The following PPIG variants were observed in gnomAD, a reference collection of about 807,000 sequenced individuals.
PPIG encodes the protein peptidylprolyl isomerase G.
Under a neutral mutation model 87.9 loss-of-function variants are expected in PPIG, and 26 were observed. The observed-to-expected ratio is 0.30, with a 90% CI of 0.22 to 0.41. The LOEUF is 0.41. Among genes scored for constraint, PPIG ranks in the 10% least tolerant of loss-of-function variants. The pLI, the probability that PPIG is intolerant of heterozygous loss-of-function variation, is 1.00. For synonymous variants in PPIG, 308 were observed against 276.5 expected, an observed-to-expected ratio of 1.11 and a Z score of -1.13; for missense variants, 722 against 879.4, an observed-to-expected ratio of 0.82 and a Z score of 2.26.
chr2:169,625,898 C>T lies in PPIG; in HGVS notation c.548-4876C>T, dbSNP rs773313549. On this transcript the variant is annotated intron_variant, in intron 9 of 13. Coordinates refer to ENST00000260970, the MANE Select transcript of PPIG (RefSeq NM_004792.3). ...GCTCAGCCTAGATCCCTCGTATGCA[C>T]AGTTCACAATAGGGTTTGTGCTCCT... Among the ~76,000 whole-genome samples, 84 of 152,160 alleles carry T rather than the reference C, an allele frequency of 5.5e-4. 1 individual carries two copies. Among genetic ancestry groups the T allele is most frequent in the Non-Finnish European group, 3.1e-4 (21 of 68,038 alleles).
chr2:169,604,933 C>T (rs1468077406), intron 4 of PPIG, among the ~76,000 whole-genome samples: 1 of 151,574 alleles, frequency 6.6e-6, no homozygotes, highest in African/African-American at 2.4e-5. Flanking sequence ...CATGGTGGCT[C>T]ACACCTGTAA....
In PPIG at chr2:169,629,045, A is replaced by G. The variant is rs184576528; in HGVS notation, c.548-1729A>G. 7.2e-5 allele frequency among the ~76,000 whole-genome samples: 11 copies of G among 152,240 alleles called. No individual in the cohort carries two copies. In the East Asian group the frequency reaches 1.9e-3, roughly 27 times the overall value. On this transcript the variant is annotated intron_variant, in intron 9 of 13. Coordinates refer to ENST00000260970, the MANE Select transcript of PPIG (RefSeq NM_004792.3). ...GGTGGGGCTAAAGGAAAGGTCACAA[A>G]TCAGCTGTTAACCCTTTCAACTAAG...
chr2:169,612,653 A>AT (rs1292845151), intron 7 of PPIG, among the ~76,000 whole-genome samples: 2 of 152,212 alleles, frequency 1.3e-5, no homozygotes, highest in East Asian at 3.9e-4. Flanking sequence ...AACTGCTGGG[A>AT]TTACAGACGT....
chr2:169,620,201 GT>G (rs1685707984), intron 9 of PPIG, among the ~76,000 whole-genome samples: 1 of 151,884 alleles, frequency 6.6e-6, no homozygotes, highest in African/African-American at 2.4e-5. Context: ...TCTTTTAGTG[GT>G]TTTACAGTTG....
At position 169,640,730 on chromosome 2, in the gene PPIG, AC is replaced by A; in HGVS notation, c.*3208del. The A allele has an allele frequency of 6.6e-6, 1 of 152,216 alleles. No individual in the cohort carries two copies. The highest frequency in any genetic ancestry group is 1.5e-5 in the Non-Finnish European group (1 of 68,034). 9.4% of individuals were successfully genotyped at this position (152,216 alleles called of 1,614,324 possible). ...TGAAAAGATGTGTTTTGTTACAAAT[AC>A]TTGTTTTAAAAATTAATAAGCCCCC... On this transcript the variant is annotated 3_prime_UTR_variant, in exon 14 of 14. Transcript: ENST00000260970.
chr2:169,614,968 C>T (rs1685575570), intron 9 of PPIG, among the ~76,000 whole-genome samples: 1 of 151,906 alleles, frequency 6.6e-6, no homozygotes. Context: ...AGCTAATTAA[C>T]ATTTATTGCC....
Position 169,636,434 on chromosome 2 carries a change from A to G in PPIG, c.1176A>G (p.Lys392=). ...KGDKSELNEI[K]ENQRSPVRVK... is the part of the protein sequence containing the mutation. ...TTAGGAGTGAGTTGAATGAAATAAA[A>G]GAAAATCAGAGAAGTCCAGTTAGAG... The change falls in exon 14 of 14, where the codon AAA becomes AAG. Residue 392 remains lysine, a synonymous_variant. Transcript: ENST00000260970. 6.5e-7 allele frequency: 1 copy of G among 1,543,134 alleles called. No homozygotes were observed. The highest frequency in any genetic ancestry group is 8.7e-7 in the Non-Finnish European group (1 of 1,147,620).
At position 169,605,892 on chromosome 2, in the gene PPIG, A is replaced by G. The variant is rs1685312759; in HGVS notation, c.137-147A>G. ...AGAAATAACGTGGGTGATTTTTTAA[A>G]TGAATTTTTAAAAAAAAATTCCTGA... On this transcript the variant is annotated intron_variant, in intron 4 of 13. Coordinates refer to ENST00000260970, the MANE Select transcript of PPIG (RefSeq NM_004792.3). The G allele has an allele frequency of 4.9e-6, 3 of 613,996 alleles. No homozygotes were observed. The Admixed American group carries it at 9.1e-5, about 19-fold the overall frequency. The allele number at this position is 613,996 out of a possible 1,614,324, so 38.0% of individuals were successfully genotyped here. A position where few individuals can be genotyped will look rare whatever the true frequency, so the allele number is the denominator to read the frequency against.
chr2:169,627,310 T>C (rs759686475), intron 9 of PPIG, among the ~76,000 whole-genome samples: 9 of 152,214 alleles, frequency 5.9e-5, no homozygotes, highest in Non-Finnish European at 1.3e-4. Context: ...TTGGCCAGGC[T>C]GGTCTCGAAC....
intron 12 of PPIG, among the ~76,000 whole-genome samples, chr2:169,634,196 G>T (rs1017399543): frequency 3.9e-5 from 6 of 152,012 alleles, no homozygotes; most frequent in Non-Finnish European, 8.8e-5. Context: ...AAGTAGCTGG[G>T]ACTACAGGTG....
intron 9 of PPIG, among the ~76,000 whole-genome samples, chr2:169,627,262 C>G (rs1685913297): frequency 1.3e-5 from 2 of 150,982 alleles, no homozygotes; most frequent in Admixed American, 1.3e-4. Flanking sequence ...CCACACTTGG[C>G]TAATTTTTGT....
intron 12 of PPIG, chr2:169,633,478 T>C: frequency 7.3e-6 from 4 of 548,794 alleles, no homozygotes; most frequent in Non-Finnish European, 1.3e-5. Context: ...TAAAATGGGA[T>C]CGAGGTCTTT....
At chr2:169,621,932 A>C (rs1685764745) in intron 9 of PPIG, among the ~76,000 whole-genome samples, 1 of 111,474 alleles carries the variant, frequency 9.0e-6, no homozygotes, top group African/African-American at 4.0e-5. Flanking sequence ...CCCTACCAAA[A>C]AAAAAAAAAA....
intron 10 of PPIG, 132 bp from the exon 11 acceptor site, chr2:169,631,634 C>G: frequency 6.8e-7 from 1 of 1,462,340 alleles, no homozygotes; most frequent in Non-Finnish European, 9.0e-7. Context: ...TTTTCCCATG[C>G]GATCACATCT....
At chr2:169,591,929 TTTTTTTTTTTTTTTTTGAACAGAGTC>T (rs905696779) in intron 1 of PPIG, among the ~76,000 whole-genome samples, 1 of 100,752 alleles carries the variant, frequency 9.9e-6, no homozygotes, top group African/African-American at 3.3e-5. Flanking sequence ...GATTTTTTTT[TTTTTTTTTTTTTTTTTGAACAGAGTC>T]TCACTCTGTT....
rs1214243400 is a variant in PPIG at position 169,637,003 on chromosome 2, G to C, written c.1745G>C (p.Arg582Thr). The C allele has an allele frequency of 1.9e-6, 3 of 1,613,976 alleles. No homozygotes were observed. The highest frequency in any genetic ancestry group is 2.2e-5 in the East Asian group (1 of 44,870). Reference sequence around the variant, plus strand: ...AGAGTGCGATCAAGAACCCATGACAGAGATCGCAGCAGAAGCAAGGAGTAC... The same window carrying C: ...AGAGTGCGATCAAGAACCCATGACACAGATCGCAGCAGAAGCAAGGAGTAC... Reference protein sequence around the residue: ...SRRVRSRTHDRDRSRSKEYHR... With the variant: ...SRRVRSRTHDTDRSRSKEYHR... Residue 582 changes from arginine (R) to threonine (T), a missense_variant, in exon 14 of 14, where the codon AGA (arginine) becomes ACA (threonine). Physicochemically the swap from Arg to Thr is moderately conservative, Grantham distance 71 (BLOSUM62 -1). This residue lies in a region of PPIG where 476 missense variants were observed against 483.1 expected (regional missense o/e 0.99). Coordinates refer to ENST00000260970, the MANE Select transcript of PPIG (RefSeq NM_004792.3).
At chr2:169,629,119 G>C (rs181845110) in intron 9 of PPIG, among the ~76,000 whole-genome samples, 4 of 152,088 alleles carry the variant, frequency 2.6e-5, no homozygotes, top group Admixed American at 1.3e-4. Flanking sequence ...TATTTTCTTT[G>C]TTTTCCTTGA....
intron 9 of PPIG, among the ~76,000 whole-genome samples, chr2:169,615,689 C>T (rs1197276909): frequency 6.6e-6 from 1 of 150,840 alleles, no homozygotes; most frequent in African/African-American, 2.4e-5. Context: ...TTTAAAAAAT[C>T]CGTTCATCTG....
rs5836238 is a variant in PPIG at position 169,605,639 on chromosome 2, GA to G, written c.137-390del. ...CAACATGGTGAAATTCAGTCTCTACGAAAAAAAAAATTAGCCGGGTGTGGTG... is the reference window on the plus strand; with the variant it reads ...CAACATGGTGAAATTCAGTCTCTACGAAAAAAAAATTAGCCGGGTGTGGTG... On this transcript the variant is annotated intron_variant, in intron 4 of 13. Coordinates refer to ENST00000260970, the MANE Select transcript of PPIG (RefSeq NM_004792.3). Among the ~76,000 whole-genome samples, 9 of 150,704 alleles carry G rather than the reference GA, an allele frequency of 6.0e-5. No individual in the cohort carries two copies. The South Asian group carries it at 1.7e-3, about 28-fold the overall frequency.
Sources: gnomAD v4.1 joint callset for allele counts (sites outside exome capture counted in the v4.1 genomes callset) on GRCh38, gnomAD v4.1.1 for gene constraint, gnomAD v4.1.1 regional missense constraint, MANE v1.5 for transcripts, NCBI Gene and HGNC (gene_info 2026-07-23, HGNC 2026-07-21) for gene names.